BAZ2B: variants seen among roughly 807,000 people sequenced by gnomAD.
BAZ2B encodes bromodomain adjacent to zinc finger domain protein 2B.
Under a neutral mutation model 246.0 loss-of-function variants are expected in BAZ2B, and 91 were observed. The observed-to-expected ratio is 0.37, with a 90% CI of 0.31 to 0.44. The LOEUF is 0.44. Ranked by LOEUF, BAZ2B falls within the 20% of genes least tolerant of loss-of-function variation. The pLI is 1.00. For synonymous variants in BAZ2B, 855 were observed against 860.0 expected (o/e 0.99, Z 0.10); for missense variants, 2,332 against 2,533.7 (o/e 0.92, Z 1.71).
chr2:159,522,444 C>A (rs1428732808), intron 2 of BAZ2B, among the ~76,000 whole-genome samples: 4 of 152,046 alleles, frequency 2.6e-5, no homozygotes, highest in Non-Finnish European at 5.9e-5. Context: ...ACAACAACAA[C>A]AAAAAGCAGT....
At chr2:159,505,980 G>C (rs2082288971) in intron 2 of BAZ2B, among the ~76,000 whole-genome samples, 1 of 152,194 alleles carries the variant, frequency 6.6e-6, no homozygotes, top group Non-Finnish European at 1.5e-5. Context: ...CTCAGGATGA[G>C]AGGTAACAAG....
chr2:159,541,260 TTATTATTATTATTA>T (rs1383965163), intron 2 of BAZ2B, among the ~76,000 whole-genome samples: 3 of 17,102 alleles, frequency 1.8e-4, no homozygotes, highest in Admixed American at 1.1e-3. Flanking sequence ...ACAAAAGCCC[TTATTATTATTATTA>T]TTATTATTAT....
intron 2 of BAZ2B, among the ~76,000 whole-genome samples, chr2:159,553,494 T>G (rs1283107412): frequency 6.6e-6 from 1 of 151,096 alleles, no homozygotes; most frequent in Non-Finnish European, 1.5e-5. Flanking sequence ...AAGGTCTGGA[T>G]TTGATCACAT....
At chr2:159,473,150 G>A (rs549256264) in intron 3 of BAZ2B, among the ~76,000 whole-genome samples, 2 of 151,892 alleles carry the variant, frequency 1.3e-5, no homozygotes, top group African/African-American at 4.8e-5. Context: ...TTAGTTACTG[G>A]CTCCTCTTTG....
chr2:159,462,408 T>C, intron 3 of BAZ2B: 1 of 1,290,234 alleles, frequency 7.8e-7, no homozygotes. Context: ...CATTCTGCAT[T>C]TCTTTGCTAA....
intron 2 of BAZ2B, among the ~76,000 whole-genome samples, chr2:159,510,015 C>T (rs1236402906): frequency 6.6e-6 from 1 of 151,710 alleles, no homozygotes; most frequent in African/African-American, 2.4e-5. Flanking sequence ...ATAGATGAAC[C>T]CTGAAAACTC....
intron 1 of BAZ2B, among the ~76,000 whole-genome samples, chr2:159,609,508 A>C (rs1274504097): frequency 6.6e-6 from 1 of 152,178 alleles, no homozygotes; most frequent in Non-Finnish European, 1.5e-5. Context: ...AACTAGTAAA[A>C]TATTATTAGC....
chr2:159,560,549 T>C (rs2089726790), intron 1 of BAZ2B, among the ~76,000 whole-genome samples: 1 of 152,138 alleles, frequency 6.6e-6, no homozygotes, highest in South Asian at 2.1e-4. Context: ...TTTTGGCATT[T>C]ATTTTTAAGG....
At chr2:159,497,434 T>C (rs1207928672) in intron 2 of BAZ2B, among the ~76,000 whole-genome samples, 1 of 152,206 alleles carries the variant, frequency 6.6e-6, no homozygotes, top group Non-Finnish European at 1.5e-5. Context: ...TAGGACTTCC[T>C]GATGTTGAGG....
intron 2 of BAZ2B, among the ~76,000 whole-genome samples, chr2:159,495,793 AG>A (rs2081051532): frequency 2.7e-5 from 2 of 75,094 alleles, no homozygotes; most frequent in Admixed American, 2.2e-4. Context: ...TTTTTGAGAC[AG>A]AGTCTCGCTC....
intron 6 of BAZ2B, among the ~76,000 whole-genome samples, chr2:159,440,673 G>A (rs1233384011): frequency 1.3e-5 from 2 of 151,794 alleles, no homozygotes; most frequent in Non-Finnish European, 2.9e-5. Flanking sequence ...CTGCCACCAC[G>A]CTAATTTTTG....
At chr2:159,531,480 T>C (rs1484478672) in intron 2 of BAZ2B, among the ~76,000 whole-genome samples, 2 of 152,198 alleles carry the variant, frequency 1.3e-5, no homozygotes, top group Admixed American at 6.5e-5. Context: ...TTCTTTATAA[T>C]GAAACACCTC....
intron 1 of BAZ2B, among the ~76,000 whole-genome samples, chr2:159,571,362 T>C (rs565432599): frequency 6.6e-6 from 1 of 152,152 alleles, no homozygotes; most frequent in African/African-American, 2.4e-5. Flanking sequence ...TTCTTCCCTA[T>C]AATATATAGT....
the BAZ2B span, among the ~76,000 whole-genome samples, chr2:159,649,444 AGGCAGTAGTATGAGTGTT>A: frequency 6.6e-6 from 1 of 152,136 alleles, no homozygotes; most frequent in African/African-American, 2.4e-5. Context: ...GGTGGAGCTC[AGGCAGTAGTATGAGTGTT>A]GGGGAGTGGC....
intron 13 of BAZ2B, among the ~76,000 whole-genome samples, chr2:159,421,174 A>ATT (rs59654878): frequency 0.37 from 54,428 of 147,218 alleles, 10,842 homozygotes; most frequent in Non-Finnish European, 0.48. Flanking sequence ...CTTTCTTTAC[A>ATT]TTTTTTTTTT....
At chr2:159,660,531 C>G in the BAZ2B span, among the ~76,000 whole-genome samples, 1 of 152,126 alleles carries the variant, frequency 6.6e-6, no homozygotes, top group African/African-American at 2.4e-5. Flanking sequence ...TAAGGAACTG[C>G]CAAACTGTGA....
intron 34 of BAZ2B, 113 bp downstream of exon 34, chr2:159,332,427 T>C: frequency 1.9e-6 from 2 of 1,045,208 alleles, no homozygotes; most frequent in Non-Finnish European, 2.7e-6. Flanking sequence ...TTTTAGGCTG[T>C]AGTGGGCTAT....
the BAZ2B span, among the ~76,000 whole-genome samples, chr2:159,663,177 T>G: frequency 6.6e-6 from 1 of 151,832 alleles, no homozygotes; most frequent in Non-Finnish European, 1.5e-5. Flanking sequence ...TTATCTAATT[T>G]TCTTTTGTTG....
At chr2:159,370,327 T>C (rs973859473) in intron 27 of BAZ2B, among the ~76,000 whole-genome samples, 1 of 81,736 alleles carries the variant, frequency 1.2e-5, no homozygotes, top group Non-Finnish European at 3.9e-5. Flanking sequence ...AATAAAAATA[T>C]ATATTTATTA....
Sources: gnomAD v4.1 joint callset for allele counts (sites outside exome capture counted in the v4.1 genomes callset) on GRCh38, gnomAD v4.1.1 for gene constraint, MANE v1.5 for transcripts, NCBI Gene and HGNC (gene_info 2026-07-23, HGNC 2026-07-21) for gene names.